Variants in SPTB observed in about 807,000 individuals in gnomAD.
SPTB encodes spectrin beta, erythrocytic, also known as spectrin beta chain, erythrocytic.
SPTB carries 45 observed loss-of-function variants against 256.2 expected under a neutral mutation model. That is an observed-to-expected ratio of 0.18 (90% CI 0.14 to 0.23). The LOEUF is 0.23. Ranked by LOEUF, SPTB falls within the 10% of genes least tolerant of loss-of-function variation. The pLI, the probability that SPTB is intolerant of heterozygous loss-of-function variation, is 1.00. For missense variants in SPTB, 2,715 were observed against 3,040.4 expected (o/e 0.89, Z 2.52); for synonymous variants, 1,231 against 1,243.1 (o/e 0.99, Z 0.21).
intron 2 of SPTB, among the ~76,000 whole-genome samples, chr14:64,815,379 C>T (rs943017930): frequency 6.6e-6 from 1 of 152,224 alleles, no homozygotes; most frequent in Non-Finnish European, 1.5e-5. Context: ...GCTGTGATGA[C>T]TTTAAAACCC....
Position 64,793,566 on chromosome 14 carries a change from C to T in SPTB, c.2097G>A (p.Glu699=). Residue 699 remains glutamate, a synonymous_variant, in exon 14 of 36, where the codon GAG becomes GAA. Transcript: ENST00000644917. This position sits in a 1 kb window ranked among gnomAD's most constrained non-coding sequence, Gnocchi z 7.0. ...LDAHLEQIFQ[E]AHGMVARKQF... ...GCTTGCGCGCAACCATGCCATGAGC[C>T]TCCTGGAAGATCTGCTCCAGGTGAG... is the stretch of plus-strand genomic sequence containing the variant. 6.2e-7 allele frequency: 1 copy of T among 1,614,188 alleles called. No homozygotes were observed. Among genetic ancestry groups the T allele is most frequent in the Non-Finnish European group, 8.5e-7 (1 of 1,180,044 alleles).
intron 2 of SPTB, 91 bp downstream of exon 2, chr14:64,822,856 A>G: frequency 1.3e-6 from 2 of 1,577,098 alleles, no homozygotes; most frequent in Non-Finnish European, 1.7e-6. Context: ...GGGCTCACCC[A>G]ACACACACAG....
rs148593138 is a variant in SPTB, at chr14:64,769,054, C to A, written c.6002G>T (p.Arg2001Leu). The change falls in exon 29 of 36, where the codon CGC becomes CTC. Residue 2001 changes from arginine (R) to leucine (L), a missense_variant. Physicochemically the swap from Arg to Leu is moderately radical, Grantham distance 102 (BLOSUM62 -2). Transcript: ENST00000644917. ...CTCACACATGCGGAGCCGCTCCCAG[C>A]GGGCTTCCCACTTCTCATTCATCTC... ...RKEMNEKWEARWERLRMLLEV... is the reference protein window; with the variant it reads ...RKEMNEKWEALWERLRMLLEV... 1.2e-6 allele frequency: 2 copies of A among 1,613,460 alleles called. No individual in the cohort carries two copies. The highest frequency in any genetic ancestry group is 1.7e-6 in the Non-Finnish European group (2 of 1,179,964).
At chr14:64,754,165 C>T (rs2081990893) in intron 32 of SPTB, 22 of 384,692 alleles carry the variant, frequency 5.7e-5, no homozygotes, top group South Asian at 5.4e-4. Flanking sequence ...AAAGCTCTGG[C>T]CCCTCCCCTT....
chr14:64,797,586 T>C (rs1373452744), intron 10 of SPTB, 143 bp downstream of exon 10: 3 of 652,808 alleles, frequency 4.6e-6, no homozygotes, highest in Non-Finnish European at 5.6e-6. Context: ...CCAGGTTCGA[T>C]AACTCCCCCA....
At position 64,827,898 on chromosome 14, in the gene SPTB, G is replaced by A. The variant is rs1244505929; in HGVS notation, c.-51-4753C>T. Among the ~76,000 whole-genome samples, 10 of 152,120 alleles carry A rather than the reference G, an allele frequency of 6.6e-5. No individual in the cohort carries two copies. Among genetic ancestry groups the A allele is most frequent in the Non-Finnish European group, 1.5e-5 (1 of 68,036 alleles). On this transcript the variant is annotated intron_variant, in intron 1 of 35. Transcript: ENST00000644917. This position sits in a 1 kb window ranked among gnomAD's most constrained non-coding sequence, Gnocchi z 4.6. ...GGGAGTTTCAGTACCATGGGGTAAC[G>A]ATGTGGCCCAGATAAGCATGCCACC...
intron 2 of SPTB, among the ~76,000 whole-genome samples, chr14:64,822,357 C>CTGTCTCTCTT (rs775361771): frequency 3.6e-5 from 1 of 27,796 alleles, no homozygotes; most frequent in African/African-American, 7.2e-5. Context: ...CACCTTCTCT[C>CTGTCTCTCTT]TCTCTCTCTC....
At chr14:64,774,791 T>G (rs2082332809) in intron 23 of SPTB, among the ~76,000 whole-genome samples, 1 of 152,074 alleles carries the variant, frequency 6.6e-6, no homozygotes, top group South Asian at 2.1e-4. Context: ...CATGAAAACA[T>G]CCTATATCAT....
intron 13 of SPTB, among the ~76,000 whole-genome samples, chr14:64,794,237 G>C (rs1292397534): frequency 1.3e-5 from 2 of 152,220 alleles, no homozygotes; most frequent in Non-Finnish European, 2.9e-5. Flanking sequence ...GAACTAGCAA[G>C]GAGAATGAAG....
Position 64,749,597 on chromosome 14 carries a change from G to A in SPTB, c.6819+57C>T. ...AGGGGGCCTCCAGGGCAAGCGGCCT[G>A]GGGTCCTCCACCTACCCCCTTCTTA... On this transcript the variant is annotated intron_variant, in intron 35 of 35. Transcript: ENST00000644917. The surrounding 1 kb of genome is among the most constrained non-coding windows in gnomAD (Gnocchi z 4.7). 6.2e-7 allele frequency: 1 copy of A among 1,610,864 alleles called. No individual in the cohort carries two copies. The highest frequency in any genetic ancestry group is 8.5e-7 in the Non-Finnish European group (1 of 1,179,510).
At position 64,792,069 on chromosome 14, in the gene SPTB, C is replaced by T. The variant is rs571764846; in HGVS notation, c.2667-213G>A. ...TTTCATGAGTTAGCATTGCCTGGAA[C>T]AGGCCGGGAGAGAGCCAGTTACTTC... is the stretch of plus-strand genomic sequence containing the variant. On this transcript the variant is annotated intron_variant, in intron 14 of 35. Coordinates refer to ENST00000644917, the MANE Select transcript of SPTB (RefSeq NM_001355436.2). The surrounding 1 kb of genome is among the most constrained non-coding windows in gnomAD (Gnocchi z 4.2). 6.6e-6 allele frequency among the ~76,000 whole-genome samples: 1 copy of T among 152,302 alleles called. No homozygotes were observed. Among genetic ancestry groups the T allele is most frequent in the East Asian group, 1.9e-4 (1 of 5,186 alleles).
rs1594857013 is a variant in SPTB at position 64,866,097 on chromosome 14, A to G, written c.-52+13695T>C. On this transcript the variant is annotated intron_variant, in intron 1 of 35. Coordinates refer to ENST00000644917, the MANE Select transcript of SPTB (RefSeq NM_001355436.2). The surrounding 1 kb of genome is among the most constrained non-coding windows in gnomAD (Gnocchi z 4.6). ...ACAAAGTAAAACATCTATGAAATGAATAAGACTGTTCACTCAAAGAGCATG... is the reference window on the plus strand; with the variant it reads ...ACAAAGTAAAACATCTATGAAATGAGTAAGACTGTTCACTCAAAGAGCATG... 6.6e-6 allele frequency among the ~76,000 whole-genome samples: 1 copy of G among 152,228 alleles called. No individual in the cohort carries two copies. The highest frequency in any genetic ancestry group is 2.4e-5 in the African/African-American group (1 of 41,456).
rs141777371 is a variant in SPTB, at chr14:64,794,519, C to T, written c.1743G>A (p.Gly581=). ...CTGCGGTGATGGCCTTCACTTTGTC[C>T]CCTTGGATGGCGATGTCAGCTTCCA... ...KLMEADIAIQ[G]DKVKAITAAT... is the part of the protein sequence containing the mutation. The change falls in exon 13 of 36, where the codon GGG becomes GGA. Residue 581 remains glycine, a synonymous_variant. Transcript: ENST00000644917. 6.2e-7 allele frequency: 1 copy of T among 1,614,164 alleles called. No individual in the cohort carries two copies. Among genetic ancestry groups the T allele is most frequent in the Non-Finnish European group, 8.5e-7 (1 of 1,180,034 alleles).
intron 32 of SPTB, chr14:64,754,681 C>A (rs1352232104): frequency 6.6e-6 from 1 of 152,318 alleles, no homozygotes. Context: ...GATGCCTGGC[C>A]CCTGCCCAAG....
intron 1 of SPTB, among the ~76,000 whole-genome samples, chr14:64,842,141 C>T (rs575325759): frequency 2.0e-5 from 3 of 152,318 alleles, no homozygotes; most frequent in African/African-American, 7.2e-5. Flanking sequence ...TCCAGGAAGG[C>T]GCGTGTGCGG....
In SPTB at chr14:64,797,499, AAAAG is replaced by A. The variant is rs1258292006; in HGVS notation, c.1182+226_1182+229del. 6.1e-3 allele frequency among the ~76,000 whole-genome samples: 816 copies of A among 134,228 alleles called. 15 individuals are homozygous for A. The highest frequency in any genetic ancestry group is 0.028 in the East Asian group (119 of 4,246). The allele number at this position is 134,228 out of a possible 152,430, so 88.1% of individuals were successfully genotyped here. ...AAAAAAAAAAAAAAAAAAAAAAAAA[AAAAG>A]GACTCAGGGATGCAGGGCATCTGAA... On this transcript the variant is annotated intron_variant, in intron 10 of 35. Coordinates refer to ENST00000644917, the MANE Select transcript of SPTB (RefSeq NM_001355436.2).
chr14:64,863,089 T>C (rs1371689781), intron 1 of SPTB, among the ~76,000 whole-genome samples: 1 of 152,168 alleles, frequency 6.6e-6, no homozygotes, highest in Non-Finnish European at 1.5e-5. Context: ...AGTCCTTTGT[T>C]ATATTTCTGC....
chr14:64,795,754 C>A lies in SPTB; in HGVS notation c.1342-115G>T. 1 of 1,088,020 alleles carries A rather than the reference C, an allele frequency of 9.2e-7. No individual in the cohort carries two copies. Among genetic ancestry groups the A allele is most frequent in the Non-Finnish European group, 1.4e-6 (1 of 730,846 alleles). 67.4% of individuals were successfully genotyped at this position (1,088,020 alleles called of 1,614,324 possible). ...AGTGCTAGATGGGAAAGCACATTCC[C>A]AAGAAGCAGCTAGTTCTGCCTTACT... On this transcript the variant is annotated intron_variant, in intron 11 of 35. Coordinates refer to ENST00000644917, the MANE Select transcript of SPTB (RefSeq NM_001355436.2). The surrounding 1 kb of genome is among the most constrained non-coding windows in gnomAD (Gnocchi z 6.5).
rs1157632528 is a variant in SPTB, at chr14:64,765,883, C to T, written c.6345+843G>A. 5.1e-5 allele frequency among the ~76,000 whole-genome samples: 6 copies of T among 118,184 alleles called. No individual in the cohort carries two copies. In the East Asian group the frequency reaches 7.6e-4, roughly 15 times the overall value. 77.5% of individuals were successfully genotyped at this position (118,184 alleles called of 152,430 possible). A position where few individuals can be genotyped will look rare whatever the true frequency, so the allele number is the denominator to read the frequency against. On this transcript the variant is annotated intron_variant, in intron 32 of 35. Transcript: ENST00000644917. The stretch of plus-strand genomic sequence containing the variant: ...TATGTGTGTGTGTGTGTGGAGGTTG[C>T]GGTGTGTGCATGTGTGTGTGTGTGG...
Sources: gnomAD v4.1 joint callset for allele counts (sites outside exome capture counted in the v4.1 genomes callset) on GRCh38, gnomAD v4.1.1 for gene constraint, Gnocchi (gnomAD v3.1) non-coding constraint, MANE v1.5 for transcripts, NCBI Gene and HGNC (gene_info 2026-07-23, HGNC 2026-07-21) for gene names.